Variants in LRRC3B observed in about 807,000 individuals in gnomAD.
LRRC3B encodes leucine rich repeat containing 3B, also known as leucine-rich repeat-containing protein 3B.
In LRRC3B, 2 loss-of-function variants were observed where a neutral mutation model predicts 12.8. The ratio of observed to expected loss-of-function variants is 0.16; its 90% CI spans 0.06 to 0.49. LRRC3B has a LOEUF of 0.49. LRRC3B is among the 20% of genes least tolerant of loss of function. The pLI, the probability that LRRC3B is intolerant of heterozygous loss-of-function variation, is 0.96. For synonymous variants in LRRC3B, 132 were observed against 122.0 expected (o/e 1.08, Z -0.54); for missense variants, 189 against 319.4 (o/e 0.59, Z 3.11).
At chr3:26,703,541 A>G (rs1011079341) in intron 1 of LRRC3B, among the ~76,000 whole-genome samples, 2 of 152,078 alleles carry the variant, frequency 1.3e-5, no homozygotes, top group Non-Finnish European at 2.9e-5. Flanking sequence ...GCTAACTACA[A>G]GAAGGGCAGC....
At position 26,693,880 on chromosome 3, in the gene LRRC3B, AT is replaced by A. The variant is rs200915967; in HGVS notation, c.-160-15631del. ...AGATGAGGAAATAGCAGAGTATAAAATTGAAACACAATAGTCCATTCATCTT... is the reference window on the plus strand; with the variant it reads ...AGATGAGGAAATAGCAGAGTATAAAATGAAACACAATAGTCCATTCATCTT... On this transcript the variant is annotated intron_variant, in intron 1 of 1. Coordinates refer to ENST00000396641, the Ensembl canonical transcript of LRRC3B. Among the ~76,000 whole-genome samples, 1,127 of 152,362 alleles carry A rather than the reference AT, an allele frequency of 7.4e-3. 16 individuals are homozygous for A. Among genetic ancestry groups the A allele is most frequent in the African/African-American group, 0.025 (1,021 of 41,592 alleles).
intron 1 of LRRC3B, among the ~76,000 whole-genome samples, chr3:26,689,512 A>T (rs557095785): frequency 6.6e-6 from 1 of 152,134 alleles, no homozygotes; most frequent in African/African-American, 2.4e-5. Flanking sequence ...GTTTTCATGA[A>T]TTAAATACTG....
At chr3:26,652,808 C>T (rs1167208272) in intron 1 of LRRC3B, among the ~76,000 whole-genome samples, 1 of 151,936 alleles carries the variant, frequency 6.6e-6, no homozygotes, top group Non-Finnish European at 1.5e-5. Flanking sequence ...GTTATAACAG[C>T]ACTAATGAAA....
chr3:26,658,161 C>T (rs780070298), intron 1 of LRRC3B, among the ~76,000 whole-genome samples: 13 of 152,204 alleles, frequency 8.5e-5, no homozygotes, highest in Non-Finnish European at 1.6e-4. Flanking sequence ...ACTGCAAGCT[C>T]GGCCTCCCGG....
chr3:26,666,724 A>G (rs780055243), intron 1 of LRRC3B, among the ~76,000 whole-genome samples: 13 of 152,262 alleles, frequency 8.5e-5, no homozygotes, highest in Non-Finnish European at 1.8e-4. Flanking sequence ...ACTCCAAACA[A>G]TATTTGGATG....
intron 1 of LRRC3B, among the ~76,000 whole-genome samples, chr3:26,629,819 G>C (rs1209867574): frequency 6.6e-6 from 1 of 152,118 alleles, no homozygotes; most frequent in Non-Finnish European, 1.5e-5. Context: ...ACTGTGGACT[G>C]TTGATACCCA....
chr3:26,699,568 C>T (rs188603952), intron 1 of LRRC3B, among the ~76,000 whole-genome samples: 2 of 152,182 alleles, frequency 1.3e-5, no homozygotes, highest in Admixed American at 6.5e-5. Context: ...AAGGATAAAG[C>T]AGGGTTAAGC....
chr3:26,682,311 C>T (rs1442604739), intron 1 of LRRC3B, among the ~76,000 whole-genome samples: 4 of 152,086 alleles, frequency 2.6e-5, no homozygotes, highest in Admixed American at 6.6e-5. Context: ...GCTTGAGAAC[C>T]GCTACACACA....
At chr3:26,688,914 C>A (rs1001871833) in intron 1 of LRRC3B, among the ~76,000 whole-genome samples, 3 of 152,158 alleles carry the variant, frequency 2.0e-5, no homozygotes, top group Non-Finnish European at 4.4e-5. Flanking sequence ...AATTGTTGGT[C>A]ACTTGTAAAC....
chr3:26,685,641 A>ATATATATAT (rs1700072322), intron 1 of LRRC3B, among the ~76,000 whole-genome samples: 1 of 45,422 alleles, frequency 2.2e-5, no homozygotes, highest in African/African-American at 1.2e-4. Context: ...ATATCTATAT[A>ATATATATAT]CCTCATTTTT....
intron 1 of LRRC3B, among the ~76,000 whole-genome samples, chr3:26,675,520 G>A (rs1210327833): frequency 2.6e-5 from 4 of 152,214 alleles, no homozygotes; most frequent in African/African-American, 4.8e-5. Flanking sequence ...AATATTCCAA[G>A]CTGTGTGAAG....
chr3:26,644,580 A>G (rs570096539), intron 1 of LRRC3B, among the ~76,000 whole-genome samples: 18 of 152,246 alleles, frequency 1.2e-4, no homozygotes, highest in Admixed American at 4.6e-4. Flanking sequence ...ATGCTGGAGA[A>G]CAGTTCTAAA....
chr3:26,691,199 AGAT>A (rs1700187843), intron 1 of LRRC3B, among the ~76,000 whole-genome samples: 1 of 148,526 alleles, frequency 6.7e-6, no homozygotes, highest in Non-Finnish European at 1.5e-5. Flanking sequence ...ATCATTCAGA[AGAT>A]GAAATTTGAA....
intron 1 of LRRC3B, among the ~76,000 whole-genome samples, chr3:26,676,130 C>T (rs144893521): frequency 0.044 from 6,599 of 151,670 alleles, 400 homozygotes; most frequent in East Asian, 0.16. Context: ...ATGTGCACAA[C>T]GTGCAGGTTT....
chr3:26,641,756 T>TA (rs1002118727), intron 1 of LRRC3B, among the ~76,000 whole-genome samples: 3 of 151,994 alleles, frequency 2.0e-5, no homozygotes, highest in Admixed American at 6.6e-5. Context: ...AGATTTTCTT[T>TA]AAAAAAATTA....
rs9310818 is a variant in LRRC3B at position 26,659,078 on chromosome 3, G to A, written c.-161+35841G>A. ...TATATTCTTATGTTAAAAATGGGAG[G>A]TGGAAGTAAATATGTATGTGTATAT... On this transcript the variant is annotated intron_variant, in intron 1 of 1. Coordinates refer to ENST00000396641, the Ensembl canonical transcript of LRRC3B. Among the ~76,000 whole-genome samples the A allele has an allele frequency of 5.7e-3, 862 of 152,264 alleles. 5 individuals are homozygous for A. Among genetic ancestry groups the A allele is most frequent in the African/African-American group, 0.019 (809 of 41,548 alleles).
intron 1 of LRRC3B, among the ~76,000 whole-genome samples, chr3:26,659,834 G>C (rs560939973): frequency 6.6e-6 from 1 of 152,276 alleles, no homozygotes; most frequent in Admixed American, 6.5e-5. Flanking sequence ...AGTCTTCTCT[G>C]AAGTGTTAGC....
Position 26,659,714 on chromosome 3 carries a change from C to T in LRRC3B, c.-161+36477C>T, listed in dbSNP as rs553476243. Among the ~76,000 whole-genome samples, 12 of 152,222 alleles carry T rather than the reference C, an allele frequency of 7.9e-5. No individual in the cohort carries two copies. In the South Asian group the frequency reaches 2.5e-3, roughly 32 times the overall value. ...AAAAAACCCTCTCTTCTTGGATTTG[C>T]TTTGTTTAGGTTTTCTGAAAATAGA... On this transcript the variant is annotated intron_variant, in intron 1 of 1. Transcript: ENST00000396641.
intron 1 of LRRC3B, among the ~76,000 whole-genome samples, chr3:26,708,906 G>A (rs990121961): frequency 1.3e-5 from 2 of 152,158 alleles, no homozygotes; most frequent in African/African-American, 2.4e-5. Flanking sequence ...CAGGTATAAT[G>A]TACTTTAAAG....
Sources: gnomAD v4.1 joint callset for allele counts (sites outside exome capture counted in the v4.1 genomes callset) on GRCh38, gnomAD v4.1.1 for gene constraint, MANE v1.5 for transcripts, NCBI Gene and HGNC (gene_info 2026-07-23, HGNC 2026-07-21) for gene names.